FGF12: variants seen among roughly 807,000 people sequenced by gnomAD.
FGF12 encodes fibroblast growth factor 12, also known as fibroblast growth factor 12B.
Under a neutral mutation model 23.6 loss-of-function variants are expected in FGF12, and 14 were observed. The ratio of observed to expected loss-of-function variants is 0.59; its 90% CI spans 0.39 to 0.93. The LOEUF (loss-of-function observed/expected upper bound fraction) is 0.93. Among genes scored for constraint, FGF12 ranks in the 40% least tolerant of loss-of-function variants. FGF12 has a pLI of 0.00. For missense variants in FGF12, 175 were observed against 217.8 expected (o/e 0.80, Z 1.24); for synonymous variants, 62 against 77.3 (o/e 0.80, Z 1.04).
At chr3:192,239,184 C>G (rs1225853691) in intron 4 of FGF12, among the ~76,000 whole-genome samples, 1 of 152,174 alleles carries the variant, frequency 6.6e-6, no homozygotes, top group African/African-American at 2.4e-5. Context: ...AAAGCTAGCT[C>G]TTTTCTATTC....
chr3:192,604,428 C>T (rs1228792228), intron 2 of FGF12, among the ~76,000 whole-genome samples: 1 of 152,132 alleles, frequency 6.6e-6, no homozygotes, highest in Non-Finnish European at 1.5e-5. Flanking sequence ...ATTTATGTTC[C>T]TCTTCTTCAG....
intron 2 of FGF12, among the ~76,000 whole-genome samples, chr3:192,374,810 A>G (rs536162671): frequency 1.3e-5 from 2 of 152,220 alleles, no homozygotes; most frequent in Admixed American, 6.5e-5. Context: ...CTGGCTCCAG[A>G]ACCCATAGAA....
chr3:192,508,967 T>G (rs1724392286), intron 2 of FGF12, among the ~76,000 whole-genome samples: 1 of 152,172 alleles, frequency 6.6e-6, no homozygotes, highest in Non-Finnish European at 1.5e-5. Context: ...TTTTGGCACT[T>G]TGGCCTTGTA....
At chr3:192,512,898 AAAT>A (rs1489956556) in intron 2 of FGF12, among the ~76,000 whole-genome samples, 4 of 132,418 alleles carry the variant, frequency 3.0e-5, no homozygotes, top group African/African-American at 8.5e-5. Flanking sequence ...TGTCAGATAA[AAAT>A]AATGAGTTTC....
chr3:192,643,949 G>A (rs1465287987), intron 2 of FGF12, among the ~76,000 whole-genome samples: 2 of 152,126 alleles, frequency 1.3e-5, no homozygotes, highest in Non-Finnish European at 2.9e-5. Context: ...CCCACTTGAA[G>A]AGTAAACCAA....
chr3:192,688,652 G>A (rs2108717128), intron 2 of FGF12, among the ~76,000 whole-genome samples: 1 of 152,210 alleles, frequency 6.6e-6, no homozygotes, highest in East Asian at 1.9e-4. Context: ...ATTCTCTAAA[G>A]AAGCTCAGTA....
intron 2 of FGF12, among the ~76,000 whole-genome samples, chr3:192,412,827 G>A (rs948527353): frequency 2.6e-5 from 4 of 152,104 alleles, no homozygotes; most frequent in African/African-American, 9.7e-5. Context: ...TTGGGATCAG[G>A]AATGAAATTA....
At chr3:192,154,976 C>T (rs1341790732) in intron 5 of FGF12, among the ~76,000 whole-genome samples, 2 of 137,094 alleles carry the variant, frequency 1.5e-5, no homozygotes, top group South Asian at 2.5e-4. Context: ...ATTCCGTGGG[C>T]GTAGGACCCT....
chr3:192,556,054 TA>T (rs1042401923), intron 2 of FGF12, among the ~76,000 whole-genome samples: 22 of 149,582 alleles, frequency 1.5e-4, no homozygotes, highest in South Asian at 2.1e-4. Flanking sequence ...ATGTTGCTAT[TA>T]AAAAAAAAAT....
chr3:192,385,184 T>C (rs1407902983), intron 2 of FGF12, among the ~76,000 whole-genome samples: 1 of 152,110 alleles, frequency 6.6e-6, no homozygotes, highest in Non-Finnish European at 1.5e-5. Flanking sequence ...GTACCAAGTA[T>C]CTCTTAATGT....
At chr3:192,652,750 A>T (rs1716260400) in intron 2 of FGF12, among the ~76,000 whole-genome samples, 1 of 152,250 alleles carries the variant, frequency 6.6e-6, no homozygotes, top group South Asian at 2.1e-4. Context: ...TTTGAGAATC[A>T]CTGCTTTGAA....
At chr3:192,250,787 G>GC (rs1553785674) in intron 4 of FGF12, among the ~76,000 whole-genome samples, 1 of 151,112 alleles carries the variant, frequency 6.6e-6, no homozygotes, top group Non-Finnish European at 1.5e-5. Flanking sequence ...TATTTTGAAG[G>GC]TTTTTTTTTA....
At chr3:192,578,765 A>G (rs1713015829) in intron 2 of FGF12, among the ~76,000 whole-genome samples, 1 of 152,232 alleles carries the variant, frequency 6.6e-6, no homozygotes, top group Non-Finnish European at 1.5e-5. Context: ...TGAGAAAATA[A>G]GAACTGGGTC....
At chr3:192,288,501 T>C (rs928031092) in intron 4 of FGF12, among the ~76,000 whole-genome samples, 1 of 152,124 alleles carries the variant, frequency 6.6e-6, no homozygotes, top group Non-Finnish European at 1.5e-5. Flanking sequence ...TTATAGCTGA[T>C]ATCCAGATGA....
intron 2 of FGF12, among the ~76,000 whole-genome samples, chr3:192,723,081 C>T (rs1719091316): frequency 6.6e-6 from 1 of 151,980 alleles, no homozygotes; most frequent in Admixed American, 6.6e-5. Flanking sequence ...TTTAGAAGTG[C>T]CTTGATTTAA....
At chr3:192,554,346 T>C (rs1008524371) in intron 2 of FGF12, among the ~76,000 whole-genome samples, 1 of 152,086 alleles carries the variant, frequency 6.6e-6, no homozygotes, top group Non-Finnish European at 1.5e-5. Flanking sequence ...TGTCCCAACA[T>C]TTACTAGAAG....
intron 2 of FGF12, chr3:192,515,015 T>A (rs1724620125): frequency 9.2e-6 from 2 of 216,826 alleles, no homozygotes; most frequent in Non-Finnish European, 1.6e-5. Flanking sequence ...CACGGCCCCT[T>A]GAGACCTTCC....
At chr3:192,245,314 C>T (rs991676040) in intron 4 of FGF12, among the ~76,000 whole-genome samples, 95 of 152,022 alleles carry the variant, frequency 6.2e-4, no homozygotes, top group Middle Eastern at 3.4e-3. Context: ...AATGGGGTCT[C>T]GCTATTTTAC....
intron 4 of FGF12, among the ~76,000 whole-genome samples, chr3:192,287,946 T>C (rs1274939019): frequency 1.3e-5 from 2 of 152,068 alleles, no homozygotes; most frequent in Admixed American, 1.3e-4. Context: ...GGCTTCCTGG[T>C]GTAGTAACTT....
Sources: gnomAD v4.1 joint callset for allele counts (sites outside exome capture counted in the v4.1 genomes callset) on GRCh38, gnomAD v4.1.1 for gene constraint, MANE v1.5 for transcripts, NCBI Gene and HGNC (gene_info 2026-07-23, HGNC 2026-07-21) for gene names.